Variants in SNTG1 observed in about 807,000 individuals in gnomAD.
SNTG1 encodes the protein gamma-1-syntrophin.
Under a neutral mutation model 74.7 loss-of-function variants are expected in SNTG1, and 39 were observed. The ratio of observed to expected loss-of-function variants is 0.52; its 90% CI spans 0.40 to 0.68. The LOEUF is 0.68. SNTG1 is among the 30% of genes least tolerant of loss of function. SNTG1 has a pLI of 0.00. For synonymous variants in SNTG1, 254 were observed against 217.1 expected (o/e 1.17, Z -1.49); for missense variants, 685 against 609.5 (o/e 1.12, Z -1.30).
intron 1 of SNTG1, among the ~76,000 whole-genome samples, chr8:50,018,974 G>T (rs192892947): frequency 2.6e-5 from 4 of 152,026 alleles, no homozygotes; most frequent in South Asian, 2.1e-4. Context: ...CTACTCCTAG[G>T]TATATACCCA....
rs140158425 is a variant in SNTG1 at position 50,616,637 on chromosome 8, C to A, written c.849+25720C>A. Among the ~76,000 whole-genome samples, 825 of 152,270 alleles carry A rather than the reference C, an allele frequency of 5.4e-3. 10 individuals are homozygous for A. The highest frequency in any genetic ancestry group is 0.019 in the African/African-American group (795 of 41,550). On this transcript the variant is annotated intron_variant, in intron 13 of 18. Coordinates refer to ENST00000642720, the MANE Select transcript of SNTG1 (RefSeq NM_018967.5). Reference sequence around the variant, plus strand: ...TTTCAGTCTCTCTCTTGAGCCCTCCCCCTCAGCTTCTCAGAGTGCACACAG... The same window carrying A: ...TTTCAGTCTCTCTCTTGAGCCCTCCACCTCAGCTTCTCAGAGTGCACACAG...
At chr8:50,641,459 G>T (rs906720615) in intron 13 of SNTG1, among the ~76,000 whole-genome samples, 1 of 152,182 alleles carries the variant, frequency 6.6e-6, no homozygotes, top group African/African-American at 2.4e-5. Context: ...TGCTCAGCAG[G>T]TCTCTCCTCT....
chr8:50,717,091 T>G (rs1232409979), intron 17 of SNTG1, among the ~76,000 whole-genome samples: 1 of 152,198 alleles, frequency 6.6e-6, no homozygotes, highest in Non-Finnish European at 1.5e-5. Flanking sequence ...AATTAACACA[T>G]AATTCACTGC....
At chr8:50,345,935 C>A (rs1310605857) in intron 2 of SNTG1, among the ~76,000 whole-genome samples, 1 of 152,036 alleles carries the variant, frequency 6.6e-6, no homozygotes, top group African/African-American at 2.4e-5. Flanking sequence ...ATTATTTTAC[C>A]AAATCTAATA....
chr8:50,607,732 TA>T (rs1456330958), intron 13 of SNTG1, among the ~76,000 whole-genome samples: 1 of 151,602 alleles, frequency 6.6e-6, no homozygotes, highest in Middle Eastern at 3.2e-3. Context: ...TATTTATGGA[TA>T]TTTATTATTT....
At chr8:49,952,618 G>T (rs1809822490) in intron 1 of SNTG1, among the ~76,000 whole-genome samples, 1 of 152,182 alleles carries the variant, frequency 6.6e-6, no homozygotes, top group Non-Finnish European at 1.5e-5. Context: ...TGTTATTGTT[G>T]TTCTTATCAA....
At chr8:49,976,334 G>C (rs1054026089) in intron 1 of SNTG1, among the ~76,000 whole-genome samples, 1 of 152,150 alleles carries the variant, frequency 6.6e-6, no homozygotes, top group African/African-American at 2.4e-5. Flanking sequence ...GAAAGGATTG[G>C]ATGGCAAGTC....
intron 1 of SNTG1, among the ~76,000 whole-genome samples, chr8:50,074,710 C>T (rs997594655): frequency 2.0e-5 from 3 of 152,206 alleles, no homozygotes; most frequent in African/African-American, 7.2e-5. Flanking sequence ...GTGCTGGCAG[C>T]CCTTGCTCAC....
intron 1 of SNTG1, among the ~76,000 whole-genome samples, chr8:50,094,624 C>A (rs934284365): frequency 6.6e-6 from 1 of 151,952 alleles, no homozygotes; most frequent in African/African-American, 2.4e-5. Context: ...CAAATCAAAT[C>A]AACAGTGAGA....
intron 2 of SNTG1, among the ~76,000 whole-genome samples, chr8:50,269,723 T>C (rs1247549326): frequency 6.6e-6 from 1 of 152,008 alleles, no homozygotes; most frequent in African/African-American, 2.4e-5. Context: ...AAAGATAATT[T>C]GAAATAGAAA....
intron 1 of SNTG1, among the ~76,000 whole-genome samples, chr8:50,069,920 C>T (rs934498730): frequency 6.6e-6 from 1 of 152,078 alleles, no homozygotes; most frequent in Non-Finnish European, 1.5e-5. Flanking sequence ...GGTTCTGCAT[C>T]TGCAGCCTGT....
At chr8:49,937,229 A>T (rs1808168160) in intron 1 of SNTG1, among the ~76,000 whole-genome samples, 1 of 152,172 alleles carries the variant, frequency 6.6e-6, no homozygotes, top group Admixed American at 6.5e-5. Context: ...AAAAGAGTAC[A>T]CATTATATGA....
At chr8:50,088,615 A>G (rs1823147942) in intron 1 of SNTG1, among the ~76,000 whole-genome samples, 1 of 124,170 alleles carries the variant, frequency 8.1e-6, no homozygotes, top group Admixed American at 9.0e-5. Context: ...CCAACAACAG[A>G]GAAACAGAGA....
intron 4 of SNTG1, among the ~76,000 whole-genome samples, chr8:50,409,811 A>G (rs1330781021): frequency 2.0e-5 from 3 of 152,206 alleles, no homozygotes; most frequent in Non-Finnish European, 4.4e-5. Context: ...TCAATACAAG[A>G]TGGCTATCTA....
At chr8:50,296,893 G>C (rs1468240910) in intron 2 of SNTG1, among the ~76,000 whole-genome samples, 1 of 152,094 alleles carries the variant, frequency 6.6e-6, no homozygotes, top group Non-Finnish European at 1.5e-5. Flanking sequence ...TTATTAAGTA[G>C]TAAGCGCAAG....
At chr8:50,655,812 G>A (rs1355533450) in intron 13 of SNTG1, among the ~76,000 whole-genome samples, 1 of 152,236 alleles carries the variant, frequency 6.6e-6, no homozygotes, top group South Asian at 2.1e-4. Context: ...CCCCTTACTA[G>A]CTGGAATACA....
intron 8 of SNTG1, among the ~76,000 whole-genome samples, chr8:50,484,416 T>C (rs2093772294): frequency 6.6e-6 from 1 of 151,586 alleles, no homozygotes; most frequent in African/African-American, 2.4e-5. Context: ...GGTTTCACCA[T>C]GTTGGTCAGG....
At chr8:50,035,640 C>T (rs945323204) in intron 1 of SNTG1, among the ~76,000 whole-genome samples, 1 of 152,152 alleles carries the variant, frequency 6.6e-6, no homozygotes, top group Middle Eastern at 3.2e-3. Context: ...CTTTCAATCC[C>T]ATTTATCAGT....
chr8:49,979,017 C>T (rs1460056493), intron 1 of SNTG1, among the ~76,000 whole-genome samples: 1 of 152,200 alleles, frequency 6.6e-6, no homozygotes, highest in Non-Finnish European at 1.5e-5. Context: ...GGAGAATTGA[C>T]ACCATAATGT....
Sources: gnomAD v4.1 joint callset for allele counts (sites outside exome capture counted in the v4.1 genomes callset) on GRCh38, gnomAD v4.1.1 for gene constraint, MANE v1.5 for transcripts, NCBI Gene and HGNC (gene_info 2026-07-23, HGNC 2026-07-21) for gene names.